PES1: variants seen among roughly 807,000 people sequenced by gnomAD.
The protein encoded by PES1 is pescadillo ribosomal biogenesis factor 1, also known as pescadillo homolog.
PES1 carries 31 observed loss-of-function variants against 77.1 expected under a neutral mutation model. The ratio of observed to expected loss-of-function variants is 0.40; its 90% CI spans 0.30 to 0.54. The LOEUF is 0.54. Among genes scored for constraint, PES1 ranks in the 20% least tolerant of loss-of-function variants. The pLI is 0.45. For synonymous variants in PES1, 282 were observed against 303.0 expected, an observed-to-expected ratio of 0.93 and a Z score of 0.72; for missense variants, 658 against 771.7, an observed-to-expected ratio of 0.85 and a Z score of 1.75.
At position 30,584,567 on chromosome 22, in the gene PES1, G is replaced by C; in HGVS notation, c.519C>G (p.Ile173Met). Residue 173 changes from isoleucine to methionine, a missense_variant, in exon 5 of 15, where the codon ATC becomes ATG. Transcript: ENST00000354694. The part of the protein sequence containing the change: ...RLTVEFMHYI[I>M]AARALRKVFL... The stretch of plus-strand genomic sequence containing the variant: ...TCACCTTGCGCAGGGCACGGGCAGC[G>C]ATAATGTAGTGCATGAACTCCACAG... The C allele has an allele frequency of 6.2e-7, 1 of 1,611,916 alleles. No individual in the cohort carries two copies. Among genetic ancestry groups the C allele is most frequent in the Non-Finnish European group, 8.5e-7 (1 of 1,179,018 alleles).
chr22:30,604,052 C>G (rs1033946549), intron 2 of PES1: 1 of 152,162 alleles, frequency 6.6e-6, no homozygotes, highest in Non-Finnish European at 1.5e-5. Flanking sequence ...ATGAAGGGTC[C>G]GCTTCAGGTC....
At chr22:30,599,903 CAAAA>C (rs774071086) in intron 2 of PES1, among the ~76,000 whole-genome samples, 39 of 150,690 alleles carry the variant, frequency 2.6e-4, no homozygotes, top group Middle Eastern at 3.6e-3. Flanking sequence ...CATCTCAAAA[CAAAA>C]AGAAAATGAA....
chr22:30,595,272 G>T (rs1310124738), upstream of PES1, among the ~76,000 whole-genome samples: 1 of 152,054 alleles, frequency 6.6e-6, no homozygotes, highest in Non-Finnish European at 1.5e-5. Context: ...GGGCGCGACA[G>T]CTCATGCCTA....
intron 6 of PES1, among the ~76,000 whole-genome samples, chr22:30,583,291 C>T (rs1392649228): frequency 6.6e-6 from 1 of 152,216 alleles, no homozygotes; most frequent in Non-Finnish European, 1.5e-5. Flanking sequence ...GCCACAGCCT[C>T]ACCACCAGAC....
intron 1 of PES1, chr22:30,606,506 C>T (rs943883766): frequency 3.3e-5 from 5 of 152,426 alleles, no homozygotes; most frequent in African/African-American, 1.2e-4. Context: ...CCGCCTCAGC[C>T]TTTCAAAGTG....
intron 1 of PES1, 114 bp downstream of exon 1, chr22:30,591,696 G>T: frequency 1.6e-6 from 2 of 1,223,664 alleles, no homozygotes; most frequent in Non-Finnish European, 2.3e-6. Context: ...TTACGGTCAC[G>T]TCGATCCCGT....
intron 1 of PES1, chr22:30,606,689 C>T (rs1469394599): frequency 1.4e-5 from 2 of 140,194 alleles, no homozygotes; most frequent in Non-Finnish European, 3.1e-5. Context: ...CTCCCCCCCC[C>T]CACCGAACTG....
At chr22:30,600,365 C>T (rs994092640) in intron 2 of PES1, among the ~76,000 whole-genome samples, 2 of 152,114 alleles carry the variant, frequency 1.3e-5, no homozygotes, top group Admixed American at 6.5e-5. Flanking sequence ...CTGCTCACTG[C>T]AGAACAGTCT....
At chr22:30,598,451 A>T (rs565962561) in intron 2 of PES1, 7 of 152,032 alleles carry the variant, frequency 4.6e-5, no homozygotes, top group African/African-American at 1.7e-4. Flanking sequence ...AAAAAAAATT[A>T]TTTTTTCACT....
At chr22:30,601,349 C>T (rs975839759) in intron 2 of PES1, among the ~76,000 whole-genome samples, 1 of 151,962 alleles carries the variant, frequency 6.6e-6, no homozygotes, top group South Asian at 2.1e-4. Flanking sequence ...GAGTCTCAGT[C>T]CGTCGCCCAG....
rs200175569 is a variant in PES1, at chr22:30,579,951, A to G, written c.1170-16T>C. The G allele has an allele frequency of 2.2e-4, 362 of 1,611,720 alleles. No homozygotes were observed. Among genetic ancestry groups the G allele is most frequent in the Non-Finnish European group, 2.8e-4 (332 of 1,178,208 alleles). On this transcript the variant is annotated splice_polypyrimidine_tract_variant and intron_variant, in intron 11 of 14. Transcript: ENST00000354694. ...CACGTAGCACCTGGCGCAGAGTGGC[A>G]GGCAAAAACGAGTCACAGAGGGCAA...
At chr22:30,581,277 T>C in intron 8 of PES1, 57 bp downstream of exon 8, 1 of 1,563,958 alleles carries the variant, frequency 6.4e-7, no homozygotes, top group Non-Finnish European at 8.8e-7. Context: ...CCAGAGGTGT[T>C]GGGGACAGAG....
chr22:30,580,207 T>G (rs2146459725), intron 10 of PES1, 29 bp from the exon 11 acceptor site: 1 of 1,591,494 alleles, frequency 6.3e-7, no homozygotes, highest in Admixed American at 1.8e-5. Context: ...CCCACACGGG[T>G]ACACAGACAT....
intron 2 of PES1, 147 bp downstream of exon 2, chr22:30,589,044 C>A: frequency 3.4e-6 from 2 of 595,274 alleles, no homozygotes; most frequent in Non-Finnish European, 3.0e-6. Flanking sequence ...ACCTAGCAAA[C>A]ACAACTCACT....
rs1318899523 is a variant in PES1 at position 30,589,746 on chromosome 22, G to T, written c.25-476C>A. ...AAACTCAGGTCTGAGTCCAGTACCT[G>T]AATGCCTAATAGCTAAGCCAGTGTT... On this transcript the variant is annotated intron_variant, in intron 1 of 14. Transcript: ENST00000354694. Among the ~76,000 whole-genome samples, 63 of 150,634 alleles carry T rather than the reference G, an allele frequency of 4.2e-4. 2 individuals are homozygous for T. The highest frequency in any genetic ancestry group is 4.1e-3 in the Admixed American group (63 of 15,232).
intron 2 of PES1, among the ~76,000 whole-genome samples, chr22:30,599,113 T>C (rs1427988837): frequency 6.6e-6 from 1 of 151,966 alleles, no homozygotes; most frequent in African/African-American, 2.4e-5. Context: ...TTGGCCAGGC[T>C]GGGCTCAAAC....
intron 1 of PES1, 165 bp downstream of exon 1, chr22:30,591,645 C>G (rs1202490963): frequency 2.9e-6 from 2 of 701,144 alleles, no homozygotes; most frequent in Non-Finnish European, 4.6e-6. Context: ...TAAACGAATA[C>G]TGCCATCCTT....
chr22:30,598,851 AAT>A (rs2087307119), intron 2 of PES1, among the ~76,000 whole-genome samples: 1 of 140,296 alleles, frequency 7.1e-6, no homozygotes, highest in Admixed American at 7.4e-5. Flanking sequence ...AGAAAGCCCA[AAT>A]ATATTTTTCA....
At chr22:30,580,244 C>G (rs1037019374) in intron 10 of PES1, 66 bp from the exon 11 acceptor site, 357 of 1,546,010 alleles carry the variant, frequency 2.3e-4, no homozygotes, top group Non-Finnish European at 3.0e-4. Flanking sequence ...GACTCAGCTC[C>G]CTGGGACCTG....
Sources: allele counts gnomAD v4.1 joint callset (sites outside exome capture counted in the v4.1 genomes callset), GRCh38; gene constraint gnomAD v4.1.1; transcripts MANE v1.5; gene names NCBI Gene and HGNC (gene_info 2026-07-23, HGNC 2026-07-21).